The following ELP4 variants were observed in gnomAD, a reference collection of about 807,000 sequenced individuals.
The protein encoded by ELP4 is elongator acetyltransferase complex subunit 4.
In ELP4, 51 loss-of-function variants were observed where a neutral mutation model predicts 48.9. That is an observed-to-expected ratio of 1.04 (90% CI 0.83 to 1.32). The LOEUF (loss-of-function observed/expected upper bound fraction) is 1.32, where lower values mean the gene tolerates loss of function less well. ELP4 is among the 40% of genes most tolerant of loss of function. The probability of loss-of-function intolerance (pLI) is 0.00; values close to 1 mark genes in which losing one functional copy is unlikely to be tolerated. For missense variants in ELP4, 519 were observed against 514.6 expected (o/e 1.01, Z -0.08); for synonymous variants, 210 against 189.2 (o/e 1.11, Z -0.90).
intron 9 of ELP4, among the ~76,000 whole-genome samples, chr11:31,693,741 T>A (rs1322986666): frequency 6.6e-6 from 1 of 152,174 alleles, no homozygotes; most frequent in Non-Finnish European, 1.5e-5. Flanking sequence ...TGCCACACTG[T>A]CTTCCACAAT....
At chr11:31,617,854 C>T (rs1944527390) in intron 5 of ELP4, among the ~76,000 whole-genome samples, 1 of 151,558 alleles carries the variant, frequency 6.6e-6, no homozygotes, top group Non-Finnish European at 1.5e-5. Flanking sequence ...AAATCAAAAC[C>T]ATCATACATA....
chr11:31,544,069 C>A (rs2973126), intron 3 of ELP4, among the ~76,000 whole-genome samples: 1 of 152,202 alleles, frequency 6.6e-6, no homozygotes, highest in African/African-American at 2.4e-5. Flanking sequence ...CCAGCGTGAG[C>A]GACGCAGAAG....
chr11:31,654,048 G>A (rs1348952577), intron 9 of ELP4: 2 of 151,510 alleles, frequency 1.3e-5, no homozygotes, highest in Admixed American at 6.6e-5. Context: ...CGATCATACT[G>A]TAGCACATTC....
chr11:31,760,216 G>C (rs1453204504), intron 9 of ELP4, among the ~76,000 whole-genome samples: 1 of 151,942 alleles, frequency 6.6e-6, no homozygotes, highest in African/African-American at 2.4e-5. Context: ...TAGCTACATG[G>C]ACACTAGAAA....
intron 9 of ELP4, among the ~76,000 whole-genome samples, chr11:31,752,627 G>A (rs1206010758): frequency 2.6e-5 from 4 of 152,064 alleles, no homozygotes; most frequent in Non-Finnish European, 1.5e-5. Flanking sequence ...GAGGTCAGGA[G>A]ATCGAGACCA....
intron 3 of ELP4, among the ~76,000 whole-genome samples, chr11:31,546,414 C>G (rs1283516626): frequency 6.6e-6 from 1 of 152,110 alleles, no homozygotes; most frequent in Non-Finnish European, 1.5e-5. Flanking sequence ...GTAAAGGGAT[C>G]AATTCAACAA....
chr11:31,604,654 G>A (rs6484511), intron 5 of ELP4, among the ~76,000 whole-genome samples: 92,606 of 151,674 alleles, frequency 0.61, 31,836 homozygotes, highest in Non-Finnish European at 0.76. Context: ...AAAATGAGAT[G>A]AGCTATTAAA....
At chr11:31,781,592 T>G (rs903287896) in intron 9 of ELP4, among the ~76,000 whole-genome samples, 53 of 139,708 alleles carry the variant, frequency 3.8e-4, no homozygotes, top group Middle Eastern at 3.8e-3. Flanking sequence ...TCCGACTCCC[T>G]GGTTCAAGCA....
chr11:31,744,271 G>C (rs1473320814), intron 9 of ELP4, among the ~76,000 whole-genome samples: 1 of 152,076 alleles, frequency 6.6e-6, no homozygotes, highest in African/African-American at 2.4e-5. Context: ...ACCAAAAAAA[G>C]CTCAGGATCA....
intron 9 of ELP4, among the ~76,000 whole-genome samples, chr11:31,707,686 G>T (rs1463037246): frequency 6.6e-6 from 1 of 152,084 alleles, no homozygotes; most frequent in Non-Finnish European, 1.5e-5. Flanking sequence ...AATTCTAGAG[G>T]TCAGAGGTCC....
intron 9 of ELP4, among the ~76,000 whole-genome samples, chr11:31,691,485 A>G (rs1946279851): frequency 6.6e-6 from 1 of 152,062 alleles, no homozygotes; most frequent in African/African-American, 2.4e-5. Context: ...ATGAGTTTTA[A>G]AGTCAGGCAT....
chr11:31,509,770 A>G lies in ELP4; in HGVS notation c.-15A>G, dbSNP rs1955942515. On this transcript the variant is annotated 5_prime_UTR_variant, in exon 1 of 10. Coordinates refer to ENST00000640961, the MANE Select transcript of ELP4 (RefSeq NM_019040.5). ...TTCCCAGAGTTCCTATTGGGTTAAC[A>G]CTGGAGGCTCTAAGATGGCGGCAGT... 3 of 1,613,138 alleles carry G rather than the reference A, an allele frequency of 1.9e-6. No homozygotes were observed. In the East Asian group the frequency reaches 6.7e-5, roughly 36 times the overall value.
At chr11:31,696,453 T>C (rs1352162927) in intron 9 of ELP4, among the ~76,000 whole-genome samples, 1 of 152,196 alleles carries the variant, frequency 6.6e-6, no homozygotes, top group East Asian at 1.9e-4. Flanking sequence ...AGCAGGTTGT[T>C]CAGTTTCCAT....
chr11:31,675,326 G>A (rs540668957), intron 9 of ELP4, among the ~76,000 whole-genome samples: 6 of 151,450 alleles, frequency 4.0e-5, no homozygotes, highest in Non-Finnish European at 8.8e-5. Context: ...GTGCAATGGC[G>A]CGATCTCAGC....
chr11:31,595,083 A>G (rs768068328), intron 4 of ELP4, among the ~76,000 whole-genome samples, 182 bp downstream of exon 4: 36 of 152,138 alleles, frequency 2.4e-4, no homozygotes, highest in Non-Finnish European at 4.1e-4. Context: ...CTTGTTTTTT[A>G]CCAAAATAGG....
intron 5 of ELP4, among the ~76,000 whole-genome samples, chr11:31,619,495 G>A (rs752276009): frequency 3.3e-5 from 5 of 151,912 alleles, no homozygotes; most frequent in African/African-American, 4.8e-5. Flanking sequence ...ATTCTGGTGA[G>A]GGCCCACTTT....
intron 3 of ELP4, among the ~76,000 whole-genome samples, chr11:31,585,549 C>A (rs1957457512): frequency 6.6e-6 from 1 of 151,668 alleles, no homozygotes; most frequent in African/African-American, 2.4e-5. Flanking sequence ...GGAAGAAAAA[C>A]ACATCAATCT....
In ELP4 at chr11:31,603,775, C is replaced by T; in HGVS notation, c.521C>T (p.Pro174Leu). 1 of 1,609,242 alleles carries T rather than the reference C, an allele frequency of 6.2e-7. No homozygotes were observed. The highest frequency in any genetic ancestry group is 8.5e-7 in the Non-Finnish European group (1 of 1,177,120). Residue 174 changes from proline (P) to leucine (L), a missense_variant, in exon 5 of 10, where the codon CCA becomes CTA. Transcript: ENST00000640961. Reference sequence around the variant, plus strand: ...TGGGGTTTATTTTAGCAGATTGGACCAGTATCATCTTCAAGATTTGGTCAC... The same window carrying T: ...TGGGGTTTATTTTAGCAGATTGGACTAGTATCATCTTCAAGATTTGGTCAC... ...YQLLPKMEIG[P>L]VSSSRFGHYY...
chr11:31,686,687 G>T (rs1400299057), intron 9 of ELP4, among the ~76,000 whole-genome samples: 1 of 151,998 alleles, frequency 6.6e-6, no homozygotes, highest in Non-Finnish European at 1.5e-5. Flanking sequence ...AGACCAGCCT[G>T]GGCAACATGG....
Sources: gnomAD v4.1 joint callset for allele counts (sites outside exome capture counted in the v4.1 genomes callset) on GRCh38, gnomAD v4.1.1 for gene constraint, MANE v1.5 for transcripts, NCBI Gene and HGNC (gene_info 2026-07-23, HGNC 2026-07-21) for gene names.